The following RHPN2 variants were observed in gnomAD, a reference collection of about 807,000 sequenced individuals.
RHPN2 encodes the protein rhophilin Rho GTPase binding protein 2.
A neutral mutation model predicts 79.0 loss-of-function variants in RHPN2; 40 were observed. The observed-to-expected ratio is 0.51, with a 90% CI of 0.39 to 0.66. RHPN2 has a LOEUF of 0.66. Ranked by LOEUF, RHPN2 falls within the 30% of genes least tolerant of loss-of-function variation. The pLI is 0.00. For missense variants in RHPN2, 686 were observed against 883.5 expected, an observed-to-expected ratio of 0.78 and a Z score of 2.83; for synonymous variants, 285 against 363.5, an observed-to-expected ratio of 0.78 and a Z score of 2.46.
At chr19:33,038,364 C>A (rs1008226446) in intron 2 of RHPN2, among the ~76,000 whole-genome samples, 18 of 151,594 alleles carry the variant, frequency 1.2e-4, no homozygotes, top group African/African-American at 3.9e-4. Flanking sequence ...GGCGGGAGGA[C>A]AGCTTGAGCC....
At chr19:33,044,869 C>G (rs192721697) in intron 1 of RHPN2, among the ~76,000 whole-genome samples, 1 of 151,946 alleles carries the variant, frequency 6.6e-6, no homozygotes, top group Non-Finnish European at 1.5e-5. Flanking sequence ...ACTCCAGCCT[C>G]GGCAACCAAA....
chr19:33,021,162 C>T (rs1971920858), intron 4 of RHPN2, among the ~76,000 whole-genome samples: 1 of 152,162 alleles, frequency 6.6e-6, no homozygotes, highest in Non-Finnish European at 1.5e-5. Flanking sequence ...CCTGGGTTTC[C>T]AACCTGCCTT....
chr19:33,046,511 C>G (rs1282831121), intron 1 of RHPN2, among the ~76,000 whole-genome samples: 2 of 152,252 alleles, frequency 1.3e-5, no homozygotes, highest in Non-Finnish European at 2.9e-5. Context: ...AAGTGATCCG[C>G]TTGGCTTGGC....
In RHPN2 at chr19:32,990,508, G is replaced by A. The variant is rs774572711; in HGVS notation, c.1800+6C>T. Reference sequence around the variant, plus strand: ...ACTGACTGCCCAGGGAGGTGTCAGCGCTCACCATGGATGATGTGGAGTCCA... The same window carrying A: ...ACTGACTGCCCAGGGAGGTGTCAGCACTCACCATGGATGATGTGGAGTCCA... On this transcript the variant is annotated splice_donor_region_variant and intron_variant, in intron 14 of 14. Coordinates refer to ENST00000254260, the MANE Select transcript of RHPN2 (RefSeq NM_033103.5). 23 of 1,613,518 alleles carry A rather than the reference G, an allele frequency of 1.4e-5. No individual in the cohort carries two copies. Among genetic ancestry groups the A allele is most frequent in the East Asian group, 4.5e-5 (2 of 44,880 alleles).
intron 3 of RHPN2, among the ~76,000 whole-genome samples, chr19:33,022,371 C>T (rs1971931832): frequency 6.6e-6 from 1 of 152,152 alleles, no homozygotes; most frequent in East Asian, 1.9e-4. Flanking sequence ...AGCTCCTCAC[C>T]CCCACCTCCT....
At chr19:33,039,443 C>G (rs1427851284) in intron 2 of RHPN2, among the ~76,000 whole-genome samples, 1 of 152,146 alleles carries the variant, frequency 6.6e-6, no homozygotes, top group African/African-American at 2.4e-5. Context: ...TCATCACCCC[C>G]GTCCAGAGGT....
chr19:32,994,388 T>TC (rs997345482), intron 11 of RHPN2, among the ~76,000 whole-genome samples: 8 of 90,014 alleles, frequency 8.9e-5, no homozygotes, highest in African/African-American at 5.0e-4. Context: ...AGAGTCAGAC[T>TC]CCGGGGGGAA....
At chr19:33,007,545 C>T (rs1287198096) in intron 7 of RHPN2, among the ~76,000 whole-genome samples, 4 of 151,710 alleles carry the variant, frequency 2.6e-5, no homozygotes, top group Admixed American at 1.3e-4. Flanking sequence ...GAGAGTAATA[C>T]GCACTGATAA....
At chr19:33,011,937 G>A (rs561843268) in intron 5 of RHPN2, 134 bp from the exon 6 acceptor site, 98 of 1,151,744 alleles carry the variant, frequency 8.5e-5, no homozygotes, top group Non-Finnish European at 1.2e-4. Context: ...TACTGGCATC[G>A]TAAACTCTGG....
intron 2 of RHPN2, among the ~76,000 whole-genome samples, chr19:33,029,206 T>C (rs1971990574): frequency 6.6e-6 from 1 of 151,790 alleles, no homozygotes; most frequent in Non-Finnish European, 1.5e-5. Flanking sequence ...GGTACTGACA[T>C]AAAGATAGGC....
At chr19:32,994,127 G>T in intron 11 of RHPN2, 74 bp from the exon 12 acceptor site, 1 of 1,112,298 alleles carries the variant, frequency 9.0e-7, no homozygotes, top group Non-Finnish European at 1.4e-6. Context: ...CCAGTGTTGT[G>T]GCTCACGCCT....
chr19:33,029,449 C>A (rs1400602545), intron 2 of RHPN2, among the ~76,000 whole-genome samples: 8 of 150,802 alleles, frequency 5.3e-5, no homozygotes, highest in Non-Finnish European at 1.2e-4. Context: ...TGGCGTGAAC[C>A]CAGGAGGCGG....
chr19:32,988,486 G>A (rs946871693), intron 14 of RHPN2, among the ~76,000 whole-genome samples: 2 of 152,112 alleles, frequency 1.3e-5, no homozygotes, highest in African/African-American at 4.8e-5. Context: ...CCAGTCTCCG[G>A]CAGCAGACGC....
Position 32,995,880 on chromosome 19 carries a change from G to C in RHPN2, c.1420+146C>G, listed in dbSNP as rs542365891. On this transcript the variant is annotated intron_variant, in intron 11 of 14. Transcript: ENST00000254260. ...TCTCAAAAAGAAAAGAGAACTCCAG[G>C]GCAAAAGCAGCACCTCAGTCCCTAC... 2.3e-4 allele frequency: 199 copies of C among 850,084 alleles called. No homozygotes were observed. The African/African-American group carries it at 3.2e-3, about 14-fold the overall frequency. The allele number at this position is 850,084 out of a possible 1,614,324, so 52.7% of individuals were successfully genotyped here. A position where few individuals can be genotyped will look rare whatever the true frequency, so the allele number is the denominator to read the frequency against.
chr19:32,993,964 G>A lies in RHPN2; in HGVS notation c.1497+13C>T, dbSNP rs761911707. ...CCCTTAGGTCATTTGAATGTAGAGA[G>A]CATTCAACATACCAGCTTCTGGAAG... is the stretch of plus-strand genomic sequence containing the variant. On this transcript the variant is annotated intron_variant, in intron 12 of 14. Transcript: ENST00000254260. The A allele has an allele frequency of 1.8e-5, 28 of 1,585,400 alleles. No individual in the cohort carries two copies. Among genetic ancestry groups the A allele is most frequent in the African/African-American group, 2.7e-5 (2 of 74,324 alleles).
intron 1 of RHPN2, among the ~76,000 whole-genome samples, chr19:33,062,466 GGA>G (rs1972288319): frequency 6.9e-6 from 1 of 144,524 alleles, no homozygotes. Context: ...CATCTCAGGG[GGA>G]AAAAAAAAAA....
rs148084633 is a variant in RHPN2 at position 33,030,365 on chromosome 19, C to T, written c.186-3733G>A. On this transcript the variant is annotated intron_variant, in intron 2 of 14. Transcript: ENST00000254260. The stretch of plus-strand genomic sequence containing the variant: ...CCCAGCACTTTGGGAGGCCGAGGCA[C>T]GCGGATCACTTGAGGCCAAGAATTC... Among the ~76,000 whole-genome samples the T allele has an allele frequency of 1.1e-3, 164 of 152,128 alleles. 1 individual carries two copies. The highest frequency in any genetic ancestry group is 3.6e-3 in the African/African-American group (149 of 41,506).
At chr19:33,012,516 T>G in intron 5 of RHPN2, 131 bp downstream of exon 5, 1 of 752,746 alleles carries the variant, frequency 1.3e-6, no homozygotes. Context: ...GTGGAATGGA[T>G]GATTCCAGCA....
intron 2 of RHPN2, among the ~76,000 whole-genome samples, chr19:33,036,919 C>G (rs998288648): frequency 2.0e-5 from 3 of 151,784 alleles, no homozygotes; most frequent in African/African-American, 7.3e-5. Context: ...GCCTCCCCGA[C>G]GAGCGCCGCC....
Sources: allele counts gnomAD v4.1 joint callset (sites outside exome capture counted in the v4.1 genomes callset), GRCh38; gene constraint gnomAD v4.1.1; transcripts MANE v1.5; gene names NCBI Gene and HGNC (gene_info 2026-07-23, HGNC 2026-07-21).